SHANK2: variants seen among roughly 807,000 people sequenced by gnomAD.
SHANK2 encodes SH3 and multiple ankyrin repeat domains protein 2.
SHANK2 carries 43 observed loss-of-function variants against 133.7 expected under a neutral mutation model. The ratio of observed to expected loss-of-function variants is 0.32; its 90% CI spans 0.25 to 0.41. The LOEUF (loss-of-function observed/expected upper bound fraction) is 0.41, where lower values mean the gene tolerates loss of function less well. Among genes scored for constraint, SHANK2 ranks in the 10% least tolerant of loss-of-function variants. The pLI is 1.00. For synonymous variants in SHANK2, 1,017 were observed against 952.8 expected (o/e 1.07, Z -1.24); for missense variants, 1,994 against 2,235.8 (o/e 0.89, Z 2.18).
At chr11:70,886,905 A>C (rs1055905440) in intron 11 of SHANK2, among the ~76,000 whole-genome samples, 1 of 152,238 alleles carries the variant, frequency 6.6e-6, no homozygotes, top group South Asian at 2.1e-4. Context: ...CTCCTTTTAA[A>C]ATATAAAAAC....
At chr11:71,204,768 G>A (rs1029350611) in intron 2 of SHANK2, among the ~76,000 whole-genome samples, 10 of 152,212 alleles carry the variant, frequency 6.6e-5, no homozygotes, top group African/African-American at 2.4e-4. Context: ...AAGTGATGAG[G>A]GCCACCCTGG....
chr11:70,666,866 G>A (rs1565227309), intron 15 of SHANK2, among the ~76,000 whole-genome samples: 1 of 152,066 alleles, frequency 6.6e-6, no homozygotes, highest in Non-Finnish European at 1.5e-5. Context: ...CTTATTGATT[G>A]AACAAAAAAT....
chr11:70,814,092 G>A (rs1394138014), intron 12 of SHANK2, among the ~76,000 whole-genome samples: 3 of 152,192 alleles, frequency 2.0e-5, no homozygotes, highest in Non-Finnish European at 4.4e-5. Flanking sequence ...GGCAGGCTGA[G>A]GCAGCTGGAT....
intron 10 of SHANK2, among the ~76,000 whole-genome samples, chr11:70,943,694 C>G (rs566170454): frequency 1.3e-5 from 2 of 152,078 alleles, no homozygotes; most frequent in African/African-American, 4.8e-5. Flanking sequence ...GATCAGGAGA[C>G]GGAGAAGAGG....
intron 6 of SHANK2, among the ~76,000 whole-genome samples, chr11:71,101,137 T>A (rs1437307736): frequency 1.3e-5 from 2 of 152,164 alleles, no homozygotes; most frequent in Non-Finnish European, 2.9e-5. Flanking sequence ...ACAGGCGAGC[T>A]GGAAGTGAAA....
Position 70,830,494 on chromosome 11 carries a change from C to A in SHANK2, c.1175-9812G>T, listed in dbSNP as rs1555058129. ...CTCCAAGCCACGGAGACCCAGAAAC[C>A]TGCCACCGACCAGGTGACCTTGGAG... On this transcript the variant is annotated intron_variant, in intron 11 of 25. Transcript: ENST00000601538. The surrounding 1 kb of genome is among the most constrained non-coding windows in gnomAD (Gnocchi z 4.4). Among the ~76,000 whole-genome samples, 1 of 152,210 alleles carries A rather than the reference C, an allele frequency of 6.6e-6. No individual in the cohort carries two copies. Among genetic ancestry groups the A allele is most frequent in the African/African-American group, 2.4e-5 (1 of 41,456 alleles).
chr11:70,734,252 G>A (rs940160056), intron 14 of SHANK2, among the ~76,000 whole-genome samples: 9 of 152,214 alleles, frequency 5.9e-5, no homozygotes, highest in Non-Finnish European at 1.3e-4. Flanking sequence ...GCGAGGAGAT[G>A]TTTTAACTGG....
chr11:70,605,356 C>A (rs56172102), intron 17 of SHANK2, among the ~76,000 whole-genome samples: 1 of 152,244 alleles, frequency 6.6e-6, no homozygotes, highest in South Asian at 2.1e-4. Context: ...AGGCAGCAAG[C>A]GGGTGAGCCC....
At chr11:70,863,917 C>T (rs549964397) in intron 11 of SHANK2, 44 of 446,908 alleles carry the variant, frequency 9.8e-5, no homozygotes, top group Non-Finnish European at 1.4e-4. Context: ...TAATCACAGG[C>T]GTCCGCCCCC....
chr11:70,517,915 A>C (rs959788994), intron 17 of SHANK2, among the ~76,000 whole-genome samples: 9 of 152,224 alleles, frequency 5.9e-5, no homozygotes, highest in African/African-American at 2.2e-4. Flanking sequence ...CATTTGCTAC[A>C]ATTGACAAGC....
intron 17 of SHANK2, among the ~76,000 whole-genome samples, chr11:70,507,688 G>A (rs1478272803): frequency 6.6e-6 from 1 of 152,176 alleles, no homozygotes; most frequent in African/African-American, 2.4e-5. Context: ...GTCTGGAGGG[G>A]CCTGTGGGGG....
intron 17 of SHANK2, among the ~76,000 whole-genome samples, chr11:70,628,346 G>A (rs558791225): frequency 6.4e-4 from 98 of 152,286 alleles, no homozygotes; most frequent in African/African-American, 2.1e-3. Flanking sequence ...TCTGACGGGC[G>A]CAGCAGGGGT....
intron 3 of SHANK2, among the ~76,000 whole-genome samples, chr11:71,135,436 G>T (rs574000133): frequency 6.6e-6 from 1 of 151,314 alleles, no homozygotes; most frequent in Non-Finnish European, 1.5e-5. Context: ...AGAATCCACT[G>T]ACTTGCACAC....
At chr11:70,640,413 A>C (rs1298972190) in intron 17 of SHANK2, among the ~76,000 whole-genome samples, 1 of 152,202 alleles carries the variant, frequency 6.6e-6, no homozygotes, top group African/African-American at 2.4e-5. Flanking sequence ...GAGGCTGGGA[A>C]GGATCCTCCC....
intron 17 of SHANK2, among the ~76,000 whole-genome samples, chr11:70,641,019 A>G (rs1555006130): frequency 6.6e-6 from 1 of 152,212 alleles, no homozygotes; most frequent in Non-Finnish European, 1.5e-5. Flanking sequence ...CTGATGAAAA[A>G]TAACAATAGA....
At chr11:70,767,576 A>T (rs1947148827) in intron 14 of SHANK2, among the ~76,000 whole-genome samples, 1 of 152,090 alleles carries the variant, frequency 6.6e-6, no homozygotes, top group Non-Finnish European at 1.5e-5. Flanking sequence ...AGCCTTGAGA[A>T]CATGGCACTG....
intron 17 of SHANK2, among the ~76,000 whole-genome samples, chr11:70,622,958 CCT>C (rs1472118412): frequency 2.0e-5 from 3 of 152,102 alleles, no homozygotes; most frequent in African/African-American, 7.2e-5. Context: ...GGGTGGATCA[CCT>C]GAGGTCAGGA....
chr11:70,824,868 C>T (rs1327180052), intron 11 of SHANK2, among the ~76,000 whole-genome samples: 4 of 152,096 alleles, frequency 2.6e-5, no homozygotes, highest in East Asian at 3.9e-4. Context: ...TCTCAGAGAG[C>T]GATTATCTTT....
In SHANK2 at chr11:70,473,295, T is replaced by C. The variant is rs1555149215; in HGVS notation, c.5124A>G (p.Pro1708=). 1.9e-6 allele frequency: 3 copies of C among 1,613,756 alleles called. No individual in the cohort carries two copies. The highest frequency in any genetic ancestry group is 1.6e-4 in the Middle Eastern group (1 of 6,062). ...ESRTSGTRRA[P]SPVVSPTEMN... ...TCTCTGTTGGCGAGACCACAGGGCT[T>C]GGGGCACGTCTTGTTCCTGAGGTCC... The change falls in exon 26 of 26, where the codon CCA becomes CCG. Residue 1708 remains proline, a synonymous_variant. Coordinates refer to ENST00000601538, the MANE Select transcript of SHANK2 (RefSeq NM_012309.5). This position sits in a 1 kb window ranked among gnomAD's most constrained non-coding sequence, Gnocchi z 5.9.
Sources: allele counts gnomAD v4.1 joint callset (sites outside exome capture counted in the v4.1 genomes callset), GRCh38; gene constraint gnomAD v4.1.1; non-coding constraint Gnocchi (gnomAD v3.1); transcripts MANE v1.5; gene names NCBI Gene and HGNC (gene_info 2026-07-23, HGNC 2026-07-21).